Variants in RFC3 observed in about 807,000 individuals in gnomAD.
RFC3 encodes the protein A1 38 kDa subunit.
A neutral mutation model predicts 45.1 loss-of-function variants in RFC3; 41 were observed. That is an observed-to-expected ratio of 0.91 (90% CI 0.71 to 1.18). The LOEUF (loss-of-function observed/expected upper bound fraction) is 1.18, where lower values mean the gene tolerates loss of function less well. Among genes scored for constraint, RFC3 ranks in the 50% most tolerant of loss-of-function variants. The pLI is 0.00. For synonymous variants in RFC3, 149 were observed against 144.0 expected (o/e 1.03, Z -0.25); for missense variants, 423 against 428.1 (o/e 0.99, Z 0.10).
At chr13:33,898,320 A>G (rs943032294) in intron 8 of RFC3, among the ~76,000 whole-genome samples, 3 of 152,022 alleles carry the variant, frequency 2.0e-5, no homozygotes, top group Non-Finnish European at 4.4e-5. Flanking sequence ...TCAGATCACA[A>G]TGGAATAAAA....
chr13:33,839,983 T>C (rs182763803), downstream of RFC3, among the ~76,000 whole-genome samples: 10 of 152,298 alleles, frequency 6.6e-5, no homozygotes, highest in East Asian at 1.7e-3. Flanking sequence ...AGATATGTAG[T>C]CATCATATTT....
At chr13:33,876,709 C>T (rs1038544019) in intron 8 of RFC3, among the ~76,000 whole-genome samples, 9 of 152,154 alleles carry the variant, frequency 5.9e-5, no homozygotes, top group African/African-American at 1.9e-4. Flanking sequence ...CGTAGTTGAA[C>T]GAGCATGGGA....
chr13:33,876,576 A>G (rs2082448384), intron 8 of RFC3, among the ~76,000 whole-genome samples: 1 of 152,244 alleles, frequency 6.6e-6, no homozygotes, highest in South Asian at 2.1e-4. Flanking sequence ...TGAGCCATAG[A>G]TAGTTTATTT....
At chr13:33,972,897 T>C in the RFC3 span, among the ~76,000 whole-genome samples, 1 of 152,078 alleles carries the variant, frequency 6.6e-6, no homozygotes, top group Non-Finnish European at 1.5e-5. Context: ...AATAGAAAAA[T>C]GTCAAGAGGC....
Position 33,868,208 on chromosome 13 carries a change from A to C in RFC3, c.879+32991A>C, listed in dbSNP as rs1036207914. On this transcript the variant is annotated intron_variant, in intron 8 of 8. Transcript: ENST00000434425. ...GTGCAGGACATCAGCTATTGTTCGG[A>C]AAGTCAAGCTCCAACACCCTTCCCT... Among the ~76,000 whole-genome samples the C allele has an allele frequency of 3.9e-5, 6 of 152,192 alleles. No homozygotes were observed. The South Asian group carries it at 1.2e-3, about 31-fold the overall frequency.
intron 8 of RFC3, among the ~76,000 whole-genome samples, chr13:33,923,887 A>G (rs540526143): frequency 1.9e-4 from 29 of 152,278 alleles, no homozygotes; most frequent in African/African-American, 5.5e-4. Flanking sequence ...CACATTAGGA[A>G]AAGTAGAGAA....
chr13:33,820,463 A>G (rs1000920939), intron 1 of RFC3, among the ~76,000 whole-genome samples: 1 of 152,080 alleles, frequency 6.6e-6, no homozygotes, highest in Admixed American at 6.5e-5. Flanking sequence ...GTGGGTTAAC[A>G]CTCTGGTGGG....
At chr13:33,951,381 G>A (rs2082990223) in intron 8 of RFC3, among the ~76,000 whole-genome samples, 1 of 151,804 alleles carries the variant, frequency 6.6e-6, no homozygotes, top group African/African-American at 2.4e-5. Context: ...ACAGGTGCAT[G>A]CCACCACGCC....
Position 33,950,953 on chromosome 13 carries a change from CT to C in RFC3, c.880-15132del, listed in dbSNP as rs1464742173. Reference sequence around the variant, plus strand: ...CCCTTCACTTATTCCTCATGTGGTTCTTCCTCTCCATGCCATACAACTTCTA... The same window carrying C: ...CCCTTCACTTATTCCTCATGTGGTTCTCCTCTCCATGCCATACAACTTCTA... On this transcript the variant is annotated intron_variant, in intron 8 of 8. Transcript: ENST00000434425. Among the ~76,000 whole-genome samples, 20 of 151,128 alleles carry C rather than the reference CT, an allele frequency of 1.3e-4. No individual in the cohort carries two copies. The East Asian group carries it at 3.7e-3, about 28-fold the overall frequency.
chr13:33,959,911 TG>T (rs1424040610), intron 8 of RFC3, among the ~76,000 whole-genome samples: 3 of 152,154 alleles, frequency 2.0e-5, no homozygotes, highest in Non-Finnish European at 4.4e-5. Flanking sequence ...ACTCAGCTTC[TG>T]GGGACAGCTC....
intron 8 of RFC3, among the ~76,000 whole-genome samples, chr13:33,955,466 C>A (rs1303414070): frequency 6.6e-6 from 1 of 152,126 alleles, no homozygotes; most frequent in African/African-American, 2.4e-5. Flanking sequence ...ACATGATAAA[C>A]AGGCGCTTAC....
intron 8 of RFC3, among the ~76,000 whole-genome samples, chr13:33,889,697 TCTC>T (rs1283079288): frequency 1.3e-5 from 2 of 152,196 alleles, no homozygotes; most frequent in Admixed American, 1.3e-4. Context: ...TTGACCACCC[TCTC>T]CTCCTATCCC....
At chr13:33,967,448 C>T (rs1292417973), downstream of RFC3, among the ~76,000 whole-genome samples, 1 of 151,224 alleles carries the variant, frequency 6.6e-6, no homozygotes, top group Admixed American at 6.6e-5. Flanking sequence ...CAGAATCCTA[C>T]CATTGAGAAA....
chr13:33,965,279 CAT>C (rs2083080559), intron 8 of RFC3, among the ~76,000 whole-genome samples: 1 of 152,142 alleles, frequency 6.6e-6, no homozygotes, highest in Admixed American at 6.5e-5. Context: ...ATAATACAGT[CAT>C]GAGCTATTCG....
chr13:33,970,884 T>C (rs909099397), downstream of RFC3, among the ~76,000 whole-genome samples: 2 of 152,196 alleles, frequency 1.3e-5, no homozygotes, highest in Admixed American at 6.5e-5. Flanking sequence ...TCAGAGAAAG[T>C]CAGAGAAAGC....
chr13:33,855,930 T>C (rs1390868202), intron 8 of RFC3, among the ~76,000 whole-genome samples: 2 of 152,182 alleles, frequency 1.3e-5, no homozygotes, highest in Non-Finnish European at 2.9e-5. Context: ...TCTGTTTAGT[T>C]TGCTGATAGT....
At chr13:33,895,293 C>G (rs1382214297) in intron 8 of RFC3, among the ~76,000 whole-genome samples, 2 of 151,586 alleles carry the variant, frequency 1.3e-5, no homozygotes, top group Non-Finnish European at 3.0e-5. Flanking sequence ...AAACTCAAAT[C>G]AGCAAAACAA....
In RFC3 at chr13:33,916,861, A is replaced by G. The variant is rs147428046; in HGVS notation, c.880-49226A>G. ...ATGTGCACTAAATGTTTTTAATTAC[A>G]TTTGCCAAATGCATTTTTGGTTTAT... On this transcript the variant is annotated intron_variant, in intron 8 of 8. Coordinates refer to the RFC3 transcript ENST00000434425. Among the ~76,000 whole-genome samples, 96 of 152,214 alleles carry G rather than the reference A, an allele frequency of 6.3e-4. No individual in the cohort carries two copies. The Middle Eastern group carries it at 0.017, about 27-fold the overall frequency.
chr13:33,939,577 A>C (rs989665198), intron 8 of RFC3, among the ~76,000 whole-genome samples: 1 of 152,210 alleles, frequency 6.6e-6, no homozygotes, highest in Non-Finnish European at 1.5e-5. Flanking sequence ...TTAAAAGTGT[A>C]AATAAGTAAG....
Sources: gnomAD v4.1 joint callset for allele counts (sites outside exome capture counted in the v4.1 genomes callset) on GRCh38, gnomAD v4.1.1 for gene constraint, MANE v1.5 for transcripts, NCBI Gene and HGNC (gene_info 2026-07-23, HGNC 2026-07-21) for gene names.